The following PBX3 variants were observed in gnomAD, a reference collection of about 807,000 sequenced individuals.
PBX3 encodes PBX homeobox 3.
Under a neutral mutation model 48.5 loss-of-function variants are expected in PBX3, and 14 were observed. The observed-to-expected ratio is 0.29, with a 90% CI of 0.19 to 0.45. The LOEUF (loss-of-function observed/expected upper bound fraction) is 0.45. PBX3 is among the 20% of genes least tolerant of loss of function. The pLI is 1.00. For missense variants in PBX3, 386 were observed against 546.7 expected, an observed-to-expected ratio of 0.71 and a Z score of 2.93; for synonymous variants, 210 against 200.3, an observed-to-expected ratio of 1.05 and a Z score of -0.41.
chr9:125,921,933 A>G (rs1841466190), intron 3 of PBX3, among the ~76,000 whole-genome samples: 1 of 152,188 alleles, frequency 6.6e-6, no homozygotes, highest in African/African-American at 2.4e-5. Context: ...CAAAAGACCA[A>G]TTCAGTTTTT....
chr9:125,757,177 CA>C (rs1278169466), intron 2 of PBX3, among the ~76,000 whole-genome samples: 2 of 151,968 alleles, frequency 1.3e-5, no homozygotes, highest in Non-Finnish European at 2.9e-5. Flanking sequence ...CTTAAATGTG[CA>C]TCTTACCTTT....
At chr9:125,831,521 T>G (rs1290003287) in intron 2 of PBX3, among the ~76,000 whole-genome samples, 2 of 152,118 alleles carry the variant, frequency 1.3e-5, no homozygotes, top group Non-Finnish European at 2.9e-5. Flanking sequence ...CTTTATCCAT[T>G]CACTAGGGCT....
chr9:125,822,657 T>C (rs922918782), intron 2 of PBX3, among the ~76,000 whole-genome samples: 2 of 152,158 alleles, frequency 1.3e-5, no homozygotes, highest in African/African-American at 2.4e-5. Flanking sequence ...TAGAGAAATG[T>C]TTTAAAAGGA....
chr9:125,882,852 C>T (rs1012678007), intron 2 of PBX3, among the ~76,000 whole-genome samples: 8 of 152,104 alleles, frequency 5.3e-5, no homozygotes, highest in African/African-American at 1.4e-4. Context: ...ATATACCCCC[C>T]GTTTCAAATA....
At chr9:125,764,490 G>T (rs896667864) in intron 2 of PBX3, among the ~76,000 whole-genome samples, 3 of 152,176 alleles carry the variant, frequency 2.0e-5, no homozygotes, top group Non-Finnish European at 4.4e-5. Context: ...GGCATTGTCA[G>T]CCTAGTAGCT....
At chr9:125,825,101 T>C (rs1234999426) in intron 2 of PBX3, among the ~76,000 whole-genome samples, 1 of 152,174 alleles carries the variant, frequency 6.6e-6, no homozygotes, top group Non-Finnish European at 1.5e-5. Flanking sequence ...CTGGATAACA[T>C]GGCGAAACCT....
chr9:125,956,330 A>G (rs1020694055), intron 5 of PBX3, among the ~76,000 whole-genome samples: 1 of 152,286 alleles, frequency 6.6e-6, no homozygotes, highest in East Asian at 1.9e-4. Flanking sequence ...ATCTGACTCA[A>G]CTCCCTCCAA....
intron 2 of PBX3, among the ~76,000 whole-genome samples, chr9:125,880,109 A>G (rs930076667): frequency 1.6e-4 from 25 of 152,200 alleles, no homozygotes; most frequent in African/African-American, 6.0e-4. Flanking sequence ...CAGTGGTGCA[A>G]TCTCGGCTCA....
At chr9:125,932,937 G>A (rs1841750596) in intron 4 of PBX3, among the ~76,000 whole-genome samples, 2 of 152,204 alleles carry the variant, frequency 1.3e-5, no homozygotes. Context: ...GATGCTGATG[G>A]AACACAGGCC....
chr9:125,880,231 G>C (rs1039159592), intron 2 of PBX3, among the ~76,000 whole-genome samples: 1 of 152,178 alleles, frequency 6.6e-6, no homozygotes, highest in African/African-American at 2.4e-5. Context: ...TTTCAGTAGA[G>C]ACAGGGTTTC....
intron 2 of PBX3, among the ~76,000 whole-genome samples, chr9:125,750,801 TCG>T (rs1836353671): frequency 6.6e-6 from 1 of 152,142 alleles, no homozygotes; most frequent in South Asian, 2.1e-4. Context: ...CTCTCTAAGC[TCG>T]AGAGGGATGG....
chr9:125,919,359 A>ATTTTTTTTTTTTT (rs34891465), intron 3 of PBX3, among the ~76,000 whole-genome samples: 20 of 102,746 alleles, frequency 1.9e-4, no homozygotes, highest in African/African-American at 4.2e-4. Context: ...TGCCCGTCTA[A>ATTTTTTTTTTTTT]TTTTTTTTTT....
At chr9:125,801,204 A>G (rs536537313) in intron 2 of PBX3, among the ~76,000 whole-genome samples, 1 of 152,374 alleles carries the variant, frequency 6.6e-6, no homozygotes, top group East Asian at 1.9e-4. Flanking sequence ...AATATGAACA[A>G]TGAAATACCT....
At chr9:125,916,120 G>A (rs548523560) in intron 3 of PBX3, among the ~76,000 whole-genome samples, 193 bp downstream of exon 3, 8 of 152,234 alleles carry the variant, frequency 5.3e-5, no homozygotes, top group African/African-American at 1.9e-4. Flanking sequence ...GAGGAGGAGC[G>A]CTACCTATTT....
chr9:125,788,438 T>C (rs561659282), intron 2 of PBX3, among the ~76,000 whole-genome samples: 6 of 152,204 alleles, frequency 3.9e-5, no homozygotes, highest in Non-Finnish European at 8.8e-5. Context: ...GAACTTCTAC[T>C]TACATTTATC....
At chr9:125,765,167 T>G (rs1237735237) in intron 2 of PBX3, among the ~76,000 whole-genome samples, 1 of 151,848 alleles carries the variant, frequency 6.6e-6, no homozygotes, top group Non-Finnish European at 1.5e-5. Context: ...TTTTTTTTTT[T>G]GAGAGGGTGT....
chr9:125,941,304 A>T, intron 5 of PBX3, among the ~76,000 whole-genome samples: 1 of 152,204 alleles, frequency 6.6e-6, no homozygotes, highest in East Asian at 1.9e-4. Context: ...GAAGTTAAAG[A>T]TGCTGGGGAC....
intron 2 of PBX3, among the ~76,000 whole-genome samples, chr9:125,800,536 A>G (rs62567219): frequency 0.058 from 8,781 of 152,208 alleles, 368 homozygotes; most frequent in Non-Finnish European, 0.092. Flanking sequence ...AAACTCTGCT[A>G]TTCCTCAACA....
intron 2 of PBX3, among the ~76,000 whole-genome samples, chr9:125,774,260 G>A (rs1006875020): frequency 6.6e-6 from 1 of 152,118 alleles, no homozygotes. Context: ...CTAGGGGGAT[G>A]GTGCTAACCC....
Sources: gnomAD v4.1 joint callset for allele counts (sites outside exome capture counted in the v4.1 genomes callset) on GRCh38, gnomAD v4.1.1 for gene constraint, MANE v1.5 for transcripts, NCBI Gene and HGNC (gene_info 2026-07-23, HGNC 2026-07-21) for gene names.